The following RYR2 variants were observed in gnomAD, a reference collection of about 807,000 sequenced individuals.
RYR2 encodes the protein cardiac muscle ryanodine receptor-calcium release channel.
Under a neutral mutation model 601.1 loss-of-function variants are expected in RYR2, and 227 were observed. The ratio of observed to expected loss-of-function variants is 0.38; its 90% CI spans 0.34 to 0.42. The LOEUF (loss-of-function observed/expected upper bound fraction) is 0.42, where lower values mean the gene tolerates loss of function less well. Ranked by LOEUF, RYR2 falls within the 10% of genes least tolerant of loss-of-function variation. The pLI is 1.00. For synonymous variants in RYR2, 2,223 were observed against 2,175.1 expected (o/e 1.02, Z -0.61); for missense variants, 4,646 against 6,156.5 (o/e 0.75, Z 8.21).
chr1:237,749,447 A>ATTG (rs1226867560), intron 80 of RYR2, among the ~76,000 whole-genome samples: 6 of 151,702 alleles, frequency 4.0e-5, no homozygotes, highest in Non-Finnish European at 8.8e-5. Context: ...TATTATTATT[A>ATTG]TTATTATTAA....
chr1:237,210,597 G>A (rs1682466142), intron 1 of RYR2, among the ~76,000 whole-genome samples: 1 of 152,042 alleles, frequency 6.6e-6, no homozygotes, highest in African/African-American at 2.4e-5. Flanking sequence ...TTATATGCTG[G>A]TCCTATAACC....
At position 237,789,819 on chromosome 1, in the gene RYR2, C is replaced by CAT. The variant is rs1658157315; in HGVS notation, c.13477-1610_13477-1609insAT. Among the ~76,000 whole-genome samples the CAT allele has an allele frequency of 2.6e-5, 4 of 152,328 alleles. No homozygotes were observed. The South Asian group carries it at 8.3e-4, about 32-fold the overall frequency. On this transcript the variant is annotated intron_variant, in intron 92 of 104. Transcript: ENST00000366574. The stretch of plus-strand genomic sequence containing the variant: ...GCACATGACCAGTCATGGCCACATC[C>CAT]GTCTAACAAAGGCCCCTTTTCCCCT...
chr1:237,333,791 T>C (rs2149581811), intron 3 of RYR2, among the ~76,000 whole-genome samples: 1 of 152,300 alleles, frequency 6.6e-6, no homozygotes, highest in East Asian at 1.9e-4. Context: ...TCCAGGTTAA[T>C]AAATCATGTG....
intron 74 of RYR2, among the ~76,000 whole-genome samples, chr1:237,724,827 A>C (rs892701532): frequency 2.0e-5 from 3 of 152,072 alleles, no homozygotes; most frequent in African/African-American, 7.2e-5. Flanking sequence ...ATATATATAG[A>C]TTTGCTTGAA....
At chr1:237,101,684 C>G in intron 1 of RYR2, among the ~76,000 whole-genome samples, 1 of 152,182 alleles carries the variant, frequency 6.6e-6, no homozygotes, top group Non-Finnish European at 1.5e-5. Context: ...TTTATAAACA[C>G]CACCCAAACC....
At chr1:237,189,238 C>A (rs980521096) in intron 1 of RYR2, among the ~76,000 whole-genome samples, 2 of 152,148 alleles carry the variant, frequency 1.3e-5, no homozygotes, top group Admixed American at 6.5e-5. Flanking sequence ...TCTTTTAAGG[C>A]TTCATAATGT....
At position 237,676,373 on chromosome 1, in the gene RYR2, AT is replaced by A. The variant is rs1373343914; in HGVS notation, c.8830+1528del. Among the ~76,000 whole-genome samples the A allele has an allele frequency of 2.6e-5, 4 of 152,276 alleles. No individual in the cohort carries two copies. In the East Asian group the frequency reaches 7.7e-4, roughly 29 times the overall value. On this transcript the variant is annotated intron_variant, in intron 60 of 104. Transcript: ENST00000366574. ...GTTTTCTTGTATGGGGGTGGGGAGA[AT>A]CTTGCTCCAGGGTACATCTACCCAC...
chr1:237,776,870 C>T (rs1398941623), intron 87 of RYR2, among the ~76,000 whole-genome samples: 1 of 152,134 alleles, frequency 6.6e-6, no homozygotes, highest in African/African-American at 2.4e-5. Context: ...TGACTCTTTT[C>T]CCATCCAGTT....
chr1:237,280,401 T>G (rs972989090), intron 2 of RYR2, among the ~76,000 whole-genome samples: 2 of 152,156 alleles, frequency 1.3e-5, no homozygotes, highest in African/African-American at 4.8e-5. Context: ...CTCTCTACTT[T>G]ATTCATTTTG....
rs114617647 is a variant in RYR2 at position 237,180,587 on chromosome 1, T to A, written c.49-89910T>A. 0.026 allele frequency among the ~76,000 whole-genome samples: 3,755 copies of A among 146,708 alleles called. 82 individuals are homozygous for A. Among genetic ancestry groups the A allele is most frequent in the Non-Finnish European group, 0.04 (2,696 of 67,130 alleles). ...ATATATATGTGTGTGTGTGTATATA[T>A]GTATATATAAGTATATATATGTATA... On this transcript the variant is annotated intron_variant, in intron 1 of 104. Transcript: ENST00000366574. The surrounding 1 kb of genome is among the most constrained non-coding windows in gnomAD (Gnocchi z 5.3).
chr1:237,727,247 A>G (rs1321365790), intron 76 of RYR2, 48 bp downstream of exon 76: 5 of 879,376 alleles, frequency 5.7e-6, no homozygotes, highest in Admixed American at 4.9e-5. Context: ...ATTTTTTCCT[A>G]GTAAGTGACA....
chr1:237,411,378 G>A (rs973825812), intron 10 of RYR2, among the ~76,000 whole-genome samples: 1 of 152,140 alleles, frequency 6.6e-6, no homozygotes, highest in East Asian at 1.9e-4. Flanking sequence ...TTAATAGGTA[G>A]GCTTCATTTC....
chr1:237,336,826 C>T (rs551165109), intron 3 of RYR2, among the ~76,000 whole-genome samples: 50 of 151,776 alleles, frequency 3.3e-4, no homozygotes, highest in African/African-American at 1.2e-3. Context: ...CACTGTTCTC[C>T]AGCCTGGGCA....
In RYR2 at chr1:237,660,079, G is replaced by C; in HGVS notation, c.8298+5G>C. On this transcript the variant is annotated splice_donor_5th_base_variant and intron_variant, in intron 55 of 104. Coordinates refer to ENST00000366574, the MANE Select transcript of RYR2 (RefSeq NM_001035.3). ...TATAAGCTATTGTCTGAAAAGGTAA[G>C]GATTTTTTGTTTGTTTTAGTTTGTA... The C allele has an allele frequency of 6.8e-7, 1 of 1,476,448 alleles. No homozygotes were observed. The highest frequency in any genetic ancestry group is 9.0e-7 in the Non-Finnish European group (1 of 1,108,724). The allele number at this position is 1,476,448 out of a possible 1,614,324, so 91.5% of individuals were successfully genotyped here. A position where few individuals can be genotyped will look rare whatever the true frequency, so the allele number is the denominator to read the frequency against.
chr1:237,232,833 C>A (rs1685142934), intron 1 of RYR2, among the ~76,000 whole-genome samples: 1 of 152,056 alleles, frequency 6.6e-6, no homozygotes, highest in African/African-American at 2.4e-5. Context: ...GGGGAGAAAC[C>A]CTCACATATT....
intron 3 of RYR2, among the ~76,000 whole-genome samples, chr1:237,349,667 G>C (rs1698592464): frequency 6.6e-6 from 1 of 152,170 alleles, no homozygotes; most frequent in South Asian, 2.1e-4. Flanking sequence ...CTGGAACAAG[G>C]TGAAGTTACT....
At chr1:237,686,591 G>C (rs559971665) in intron 62 of RYR2, among the ~76,000 whole-genome samples, 1 of 152,288 alleles carries the variant, frequency 6.6e-6, no homozygotes, top group East Asian at 1.9e-4. Flanking sequence ...GACCTGTGAG[G>C]ATCCCACCCA....
At position 237,336,670 on chromosome 1, in the gene RYR2, A is replaced by C. The variant is rs965783696; in HGVS notation, c.273+5688A>C. ...CAGGAGTTTGAGACCAGCCTGGCCA[A>C]TGTGGAGAAACCCCGTCTCTTATGA... On this transcript the variant is annotated intron_variant, in intron 3 of 104. Coordinates refer to ENST00000366574, the MANE Select transcript of RYR2 (RefSeq NM_001035.3). Among the ~76,000 whole-genome samples the C allele has an allele frequency of 3.3e-5, 5 of 151,404 alleles. No individual in the cohort carries two copies. In the East Asian group the frequency reaches 9.8e-4, roughly 30 times the overall value.
chr1:237,440,495 G>A (rs1410567704), intron 12 of RYR2, among the ~76,000 whole-genome samples: 3 of 152,178 alleles, frequency 2.0e-5, no homozygotes, highest in African/African-American at 7.2e-5. Flanking sequence ...CTATGCATGG[G>A]AGGAAAAATG....
Sources: gnomAD v4.1 joint callset for allele counts (sites outside exome capture counted in the v4.1 genomes callset) on GRCh38, gnomAD v4.1.1 for gene constraint, Gnocchi (gnomAD v3.1) non-coding constraint, MANE v1.5 for transcripts, NCBI Gene and HGNC (gene_info 2026-07-23, HGNC 2026-07-21) for gene names.